The following FRMD5 variants were observed in gnomAD, a reference collection of about 807,000 sequenced individuals.
The protein encoded by FRMD5 is FERM domain-containing protein 5.
Under a neutral mutation model 69.0 loss-of-function variants are expected in FRMD5, and 20 were observed. The observed-to-expected ratio is 0.29, with a 90% CI of 0.20 to 0.42. The LOEUF is 0.42. Ranked by LOEUF, FRMD5 falls within the 10% of genes least tolerant of loss-of-function variation. The pLI, the probability that FRMD5 is intolerant of heterozygous loss-of-function variation, is 1.00. For missense variants in FRMD5, 595 were observed against 708.6 expected (o/e 0.84, Z 1.82); for synonymous variants, 271 against 260.1 (o/e 1.04, Z -0.40).
intron 1 of FRMD5, chr15:44,194,350 T>C (rs1437927422): frequency 6.4e-6 from 1 of 155,878 alleles, no homozygotes; most frequent in Non-Finnish European, 1.4e-5. Context: ...CAATAAAATT[T>C]GGGGATCAAA....
chr15:43,918,744 G>A (rs1362913494), intron 4 of FRMD5, among the ~76,000 whole-genome samples: 5 of 152,196 alleles, frequency 3.3e-5, no homozygotes, highest in African/African-American at 1.2e-4. Flanking sequence ...AAAAATTAGG[G>A]ATCCATGTTG....
chr15:44,127,816 G>A (rs1255675603), intron 1 of FRMD5, among the ~76,000 whole-genome samples: 5 of 152,074 alleles, frequency 3.3e-5, no homozygotes, highest in Non-Finnish European at 7.4e-5. Context: ...AGGCTGCAGG[G>A]AGTTGTGATC....
chr15:44,030,194 T>A (rs1295222714), intron 1 of FRMD5, among the ~76,000 whole-genome samples: 1 of 147,516 alleles, frequency 6.8e-6, no homozygotes, highest in Admixed American at 6.8e-5. Flanking sequence ...ACAACACTGA[T>A]TTTTTTTTTT....
intron 1 of FRMD5, among the ~76,000 whole-genome samples, chr15:44,170,712 C>T (rs533426258): frequency 6.6e-6 from 1 of 152,220 alleles, no homozygotes; most frequent in African/African-American, 2.4e-5. Flanking sequence ...ACCCTGCCAG[C>T]CACTTTTGAT....
intron 1 of FRMD5, among the ~76,000 whole-genome samples, chr15:44,165,240 G>A (rs567105573): frequency 2.7e-4 from 41 of 152,208 alleles, no homozygotes; most frequent in African/African-American, 9.9e-4. Flanking sequence ...CCAACATGGC[G>A]AAACCCCGTC....
intron 1 of FRMD5, among the ~76,000 whole-genome samples, chr15:44,171,562 G>A (rs1175078960): frequency 6.6e-6 from 1 of 151,830 alleles, no homozygotes; most frequent in Non-Finnish European, 1.5e-5. Context: ...TTTTTTCTGG[G>A]TTAAGGTACG....
At position 44,195,061 on chromosome 15, in the gene FRMD5, G is replaced by A; in HGVS notation, c.-7C>T. On this transcript the variant is annotated 5_prime_UTR_variant, in exon 1 of 14. Coordinates refer to ENST00000417257, the MANE Select transcript of FRMD5 (RefSeq NM_032892.5). ...TCATCAACCTGCTCAGCATCTTCCC[G>A]CCCGCCCGCCCGGGAGCGACGCGGC... 1.8e-6 allele frequency: 2 copies of A among 1,121,572 alleles called. No individual in the cohort carries two copies. Among genetic ancestry groups the A allele is most frequent in the South Asian group, 2.9e-5 (2 of 69,792 alleles). The allele number at this position is 1,121,572 out of a possible 1,614,324, so 69.5% of individuals were successfully genotyped here.
intron 1 of FRMD5, among the ~76,000 whole-genome samples, chr15:44,171,625 T>C (rs1262670319): frequency 6.6e-6 from 1 of 152,210 alleles, no homozygotes; most frequent in African/African-American, 2.4e-5. Context: ...GAATTTCCAA[T>C]GAGGTTGGGA....
intron 1 of FRMD5, among the ~76,000 whole-genome samples, chr15:44,046,672 T>A (rs186226829): frequency 5.9e-5 from 9 of 152,350 alleles, no homozygotes; most frequent in Non-Finnish European, 1.3e-4. Flanking sequence ...GTGTAATTAC[T>A]TTTCCAAGAA....
At chr15:44,091,998 G>T (rs926291779) in intron 1 of FRMD5, among the ~76,000 whole-genome samples, 2 of 152,142 alleles carry the variant, frequency 1.3e-5, no homozygotes, top group African/African-American at 4.8e-5. Flanking sequence ...GGATGCAAGA[G>T]AAGCAGACTT....
Position 44,170,586 on chromosome 15 carries a change from G to A in FRMD5, c.102+24367C>T, listed in dbSNP as rs149576183. ...TTTTTGTACATGGAAAGAAATCCCC[G>A]TTTCCCCATAATTTTTCCCATTCTG... On this transcript the variant is annotated intron_variant, in intron 1 of 13. Coordinates refer to ENST00000417257, the MANE Select transcript of FRMD5 (RefSeq NM_032892.5). Among the ~76,000 whole-genome samples, 643 of 151,218 alleles carry A rather than the reference G, an allele frequency of 4.3e-3. 8 individuals are homozygous for A. Among genetic ancestry groups the A allele is most frequent in the African/African-American group, 0.015 (598 of 41,228 alleles).
At chr15:44,167,219 T>G (rs2077724740) in intron 1 of FRMD5, among the ~76,000 whole-genome samples, 2 of 152,102 alleles carry the variant, frequency 1.3e-5, no homozygotes, top group Non-Finnish European at 2.9e-5. Flanking sequence ...AAATTTAAAA[T>G]TAGCCAAGCA....
At chr15:43,906,100 C>A in intron 5 of FRMD5, 149 bp from the exon 6 acceptor site, 1 of 1,011,242 alleles carries the variant, frequency 9.9e-7, no homozygotes. Context: ...GTGGGCTGGG[C>A]AGAGGGCAGG....
intron 1 of FRMD5, among the ~76,000 whole-genome samples, chr15:44,000,632 G>T (rs758998894): frequency 1.3e-5 from 2 of 152,092 alleles, no homozygotes; most frequent in Non-Finnish European, 2.9e-5. Flanking sequence ...GCTAATTTTT[G>T]TATTTTTAGT....
chr15:44,051,977 A>G (rs773183933), intron 1 of FRMD5, among the ~76,000 whole-genome samples: 7 of 151,198 alleles, frequency 4.6e-5, no homozygotes, highest in Non-Finnish European at 1.0e-4. Context: ...TGTAAAGTTA[A>G]CTCTTTTTTT....
At chr15:43,956,677 A>C (rs1451564483) in intron 1 of FRMD5, among the ~76,000 whole-genome samples, 1 of 152,240 alleles carries the variant, frequency 6.6e-6, no homozygotes. Context: ...CAACTTTGCA[A>C]CACTCCAAGG....
intron 9 of FRMD5, 56 bp downstream of exon 9, chr15:43,888,753 C>G: frequency 6.7e-7 from 1 of 1,491,160 alleles, no homozygotes; most frequent in Non-Finnish European, 9.3e-7. Context: ...GCTCTGGCCA[C>G]CAGGAAGCAT....
intron 1 of FRMD5, among the ~76,000 whole-genome samples, chr15:44,110,429 T>C (rs1223501321): frequency 6.6e-6 from 1 of 152,198 alleles, no homozygotes; most frequent in African/African-American, 2.4e-5. Context: ...GATTGCTAGA[T>C]TATATAGTAA....
At chr15:44,176,763 A>G (rs1207599073) in intron 1 of FRMD5, among the ~76,000 whole-genome samples, 1 of 152,158 alleles carries the variant, frequency 6.6e-6, no homozygotes. Flanking sequence ...AATGGCCAGT[A>G]AACATACGAA....
Sources: allele counts gnomAD v4.1 joint callset (sites outside exome capture counted in the v4.1 genomes callset), GRCh38; gene constraint gnomAD v4.1.1; transcripts MANE v1.5; gene names NCBI Gene and HGNC (gene_info 2026-07-23, HGNC 2026-07-21).